Variants in LUM observed in about 807,000 individuals in gnomAD.
The protein encoded by LUM is lumican, also known as KSPG lumican.
LUM carries 13 observed loss-of-function variants against 20.5 expected under a neutral mutation model. The ratio of observed to expected loss-of-function variants is 0.63; its 90% CI spans 0.41 to 1.01. LUM has a LOEUF of 1.01. LUM is among the 50% of genes least tolerant of loss of function. The pLI is 0.00. For missense variants in LUM, 321 were observed against 391.1 expected (o/e 0.82, Z 1.51); for synonymous variants, 173 against 151.5 (o/e 1.14, Z -1.04).
intron 2 of LUM, among the ~76,000 whole-genome samples, chr12:91,104,807 A>C (rs1358186869): frequency 1.3e-5 from 2 of 152,176 alleles, no homozygotes; most frequent in African/African-American, 4.8e-5. Context: ...TCCAAGACAA[A>C]AACCAAATCA....
At chr12:91,106,777 G>A (rs574569794) in intron 2 of LUM, among the ~76,000 whole-genome samples, 2 of 147,234 alleles carry the variant, frequency 1.4e-5, no homozygotes, top group South Asian at 4.4e-4. Context: ...CCAGAGCACT[G>A]TGATGGCCAC....
intron 1 of LUM, among the ~76,000 whole-genome samples, chr12:91,110,319 T>C (rs946649644): frequency 1.3e-5 from 2 of 152,208 alleles, no homozygotes; most frequent in Non-Finnish European, 2.9e-5. Flanking sequence ...TGAAAACGTC[T>C]TTTATTTGTT....
Position 91,104,113 on chromosome 12 carries a change from A to G in LUM, c.*52T>C. On this transcript the variant is annotated 3_prime_UTR_variant, in exon 3 of 3. Coordinates refer to ENST00000266718, the MANE Select transcript of LUM (RefSeq NM_002345.4). Reference sequence around the variant, plus strand: ...AGTAATAAAATATGGATACTATGAAAACTGACACACAGAAAAACATAACCA... The same window carrying G: ...AGTAATAAAATATGGATACTATGAAGACTGACACACAGAAAAACATAACCA... The G allele has an allele frequency of 6.9e-7, 1 of 1,452,926 alleles. No individual in the cohort carries two copies. Among genetic ancestry groups the G allele is most frequent in the Admixed American group, 1.7e-5 (1 of 58,674 alleles). 90.0% of individuals were successfully genotyped at this position (1,452,926 alleles called of 1,614,324 possible).
chr12:91,109,078 T>A (rs1228515975), intron 1 of LUM, 78 bp from the exon 2 acceptor site: 1 of 1,040,996 alleles, frequency 9.6e-7, no homozygotes, highest in Non-Finnish European at 1.4e-6. Flanking sequence ...CAACATTAAA[T>A]TCATTAGAAA....
At chr12:91,107,251 GAAAGAAAGAAA>G (rs1565758281) in intron 2 of LUM, among the ~76,000 whole-genome samples, 31 of 23,438 alleles carry the variant, frequency 1.3e-3, no homozygotes, top group Non-Finnish European at 2.1e-3. Flanking sequence ...AAGAAAGAAA[GAAAGAAAGAAA>G]GAAAGAAAGA....
chr12:91,107,399 C>A (rs1880105680), intron 2 of LUM, among the ~76,000 whole-genome samples: 1 of 151,434 alleles, frequency 6.6e-6, no homozygotes. Flanking sequence ...GAGGGAGGGA[C>A]AATATGGGCT....
intron 1 of LUM, among the ~76,000 whole-genome samples, 156 bp from the exon 2 acceptor site, chr12:91,109,156 G>A (rs1592663411): frequency 6.6e-6 from 1 of 152,128 alleles, no homozygotes; most frequent in East Asian, 1.9e-4. Context: ...TTTTATTTAG[G>A]TATGAGGACA....
intron 2 of LUM, among the ~76,000 whole-genome samples, chr12:91,107,593 A>G (rs1437778261): frequency 2.0e-5 from 3 of 152,194 alleles, no homozygotes; most frequent in African/African-American, 7.2e-5. Context: ...TAGTTTGAAG[A>G]CTTACATATT....
Position 91,102,799 on chromosome 12 carries a change from A to T in LUM, c.*1366T>A, listed in dbSNP as rs1029004051. 1 of 152,114 alleles carries T rather than the reference A, an allele frequency of 6.6e-6. No homozygotes were observed. The highest frequency in any genetic ancestry group is 1.5e-5 in the Non-Finnish European group (1 of 67,974). The allele number at this position is 152,114 out of a possible 1,614,324, so 9.4% of individuals were successfully genotyped here. ...TATCCATCGCACATATCTGCCAGTCAACTCAGTCTCAATGATGATCCTCTG... is the reference window on the plus strand; with the variant it reads ...TATCCATCGCACATATCTGCCAGTCTACTCAGTCTCAATGATGATCCTCTG... On this transcript the variant is annotated 3_prime_UTR_variant, in exon 3 of 3. Transcript: ENST00000266718.
rs1592661064 is a variant in LUM at position 91,103,517 on chromosome 12, C to A, written c.*648G>T. On this transcript the variant is annotated 3_prime_UTR_variant, in exon 3 of 3. Coordinates refer to ENST00000266718, the MANE Select transcript of LUM (RefSeq NM_002345.4). ...TTTTATGTATTTTATATACAAAGTA[C>A]AGAAATTTCACAAGAAGTCAAACAC... 6.6e-6 allele frequency: 1 copy of A among 151,972 alleles called. No individual in the cohort carries two copies. Among genetic ancestry groups the A allele is most frequent in the East Asian group, 1.9e-4 (1 of 5,200 alleles). The allele number at this position is 151,972 out of a possible 1,614,324, so 9.4% of individuals were successfully genotyped here.
At chr12:91,104,434 T>C in intron 2 of LUM, 115 bp from the exon 3 acceptor site, 1 of 708,346 alleles carries the variant, frequency 1.4e-6, no homozygotes, top group South Asian at 2.1e-5. Flanking sequence ...TTTAGAAAAG[T>C]CATAATATAG....
chr12:91,106,858 T>C (rs1204070638), intron 2 of LUM, among the ~76,000 whole-genome samples: 2 of 151,914 alleles, frequency 1.3e-5, no homozygotes, highest in South Asian at 2.1e-4. Flanking sequence ...TCCCAAGTAG[T>C]TGATGTCAGG....
chr12:91,107,277 A>G (rs1199906018), intron 2 of LUM, among the ~76,000 whole-genome samples: 3 of 104,738 alleles, frequency 2.9e-5, no homozygotes, highest in African/African-American at 8.9e-5. Context: ...GAAAGAAAGA[A>G]AGAAAGAAAG....
chr12:91,107,095 G>T lies in LUM; in HGVS notation c.862+1023C>A, dbSNP rs550388218. On this transcript the variant is annotated intron_variant, in intron 2 of 2. Coordinates refer to ENST00000266718, the MANE Select transcript of LUM (RefSeq NM_002345.4). ...TGGGGGGTGGAGGTTGCAATGAGCCGAGATTGCACCACCTCACTCCAGTCT... is the reference window on the plus strand; with the variant it reads ...TGGGGGGTGGAGGTTGCAATGAGCCTAGATTGCACCACCTCACTCCAGTCT... 3.6e-4 allele frequency among the ~76,000 whole-genome samples: 53 copies of T among 147,002 alleles called. No individual in the cohort carries two copies. The East Asian group carries it at 0.01, about 29-fold the overall frequency.
intron 2 of LUM, among the ~76,000 whole-genome samples, chr12:91,106,437 C>T (rs1880033319): frequency 6.6e-6 from 1 of 151,860 alleles, no homozygotes; most frequent in Non-Finnish European, 1.5e-5. Context: ...CCAAGCTCTG[C>T]CAAAGATTAA....
Position 91,109,625 on chromosome 12 carries a change from A to G in LUM, c.-21-625T>C, listed in dbSNP as rs149895879. Among the ~76,000 whole-genome samples, 21 of 152,306 alleles carry G rather than the reference A, an allele frequency of 1.4e-4. No homozygotes were observed. The East Asian group carries it at 4.1e-3, about 29-fold the overall frequency. ...TAACATTCTACACTTTTTAAAGCAC[A>G]TTGCAAAACTGTGTTCTGGAACTAA... On this transcript the variant is annotated intron_variant, in intron 1 of 2. Transcript: ENST00000266718.
In LUM at chr12:91,108,004, C is replaced by G. The variant is rs919777236; in HGVS notation, c.862+114G>C. 1 of 1,226,732 alleles carries G rather than the reference C, an allele frequency of 8.2e-7. No homozygotes were observed. The highest frequency in any genetic ancestry group is 1.5e-5 in the African/African-American group (1 of 67,286). The allele number at this position is 1,226,732 out of a possible 1,614,324, so 76.0% of individuals were successfully genotyped here. On this transcript the variant is annotated intron_variant, in intron 2 of 2. Transcript: ENST00000266718. The surrounding 1 kb of genome is among the most constrained non-coding windows in gnomAD (Gnocchi z 4.2). ...CTGGATTTACAGGAATGAGCCACAGCGCCCGGGCGACATTTTGTTTTTTTA... is the reference window on the plus strand; with the variant it reads ...CTGGATTTACAGGAATGAGCCACAGGGCCCGGGCGACATTTTGTTTTTTTA...
intron 2 of LUM, among the ~76,000 whole-genome samples, chr12:91,106,716 T>C (rs1880041371): frequency 1.1e-5 from 1 of 91,414 alleles, no homozygotes; most frequent in Admixed American, 1.1e-4. Flanking sequence ...AAAAAAGATG[T>C]TAGAATCTCC....
At chr12:91,110,305 A>G (rs78599391) in intron 1 of LUM, among the ~76,000 whole-genome samples, 4,747 of 152,298 alleles carry the variant, frequency 0.031, 248 homozygotes, top group East Asian at 0.26. Context: ...TTGGGGTTAG[A>G]AACTGAAAAC....
Sources: allele counts gnomAD v4.1 joint callset (sites outside exome capture counted in the v4.1 genomes callset), GRCh38; gene constraint gnomAD v4.1.1; non-coding constraint Gnocchi (gnomAD v3.1); transcripts MANE v1.5; gene names NCBI Gene and HGNC (gene_info 2026-07-23, HGNC 2026-07-21).